MEGF10: variants seen among roughly 807,000 people sequenced by gnomAD.
MEGF10 encodes the protein multiple epidermal growth factor-like domains protein 10.
A neutral mutation model predicts 147.5 loss-of-function variants in MEGF10; 86 were observed. The ratio of observed to expected loss-of-function variants is 0.58; its 90% CI spans 0.49 to 0.70. The LOEUF (loss-of-function observed/expected upper bound fraction) is 0.70. MEGF10 is among the 30% of genes least tolerant of loss of function. The pLI is 0.00. For missense variants in MEGF10, 1,329 were observed against 1,487.3 expected, an observed-to-expected ratio of 0.89 and a Z score of 1.75; for synonymous variants, 478 against 525.5, an observed-to-expected ratio of 0.91 and a Z score of 1.24.
At position 127,458,415 on chromosome 5, in the gene MEGF10, G is replaced by A. The variant is rs137962522; in HGVS notation, c.*1097G>A. ...TAAGCTGGTCTTTTGCATTGCTAAT[G>A]TGACATGTACCCAACTTTTCATTAA... On this transcript the variant is annotated 3_prime_UTR_variant, in exon 25 of 25. Coordinates refer to ENST00000503335, the MANE Select transcript of MEGF10 (RefSeq NM_001256545.2). 3.9e-5 allele frequency: 6 copies of A among 152,276 alleles called. No homozygotes were observed. Among genetic ancestry groups the A allele is most frequent in the African/African-American group, 1.4e-4 (6 of 41,554 alleles). 9.4% of individuals were successfully genotyped at this position (152,276 alleles called of 1,614,324 possible). A position where few individuals can be genotyped will look rare whatever the true frequency, so the allele number is the denominator to read the frequency against.
At chr5:127,401,065 C>T (rs896221910) in intron 7 of MEGF10, among the ~76,000 whole-genome samples, 1 of 152,130 alleles carries the variant, frequency 6.6e-6, no homozygotes, top group East Asian at 1.9e-4. Context: ...AATATTTCAG[C>T]GCATTTCTGA....
In MEGF10 at chr5:127,396,828, A is replaced by G. The variant is rs754711083; in HGVS notation, c.659+50A>G. The G allele has an allele frequency of 1.9e-6, 3 of 1,574,762 alleles. No individual in the cohort carries two copies. In the Admixed American group the frequency reaches 5.5e-5, roughly 29 times the overall value. On this transcript the variant is annotated intron_variant, in intron 6 of 24. Coordinates refer to ENST00000503335, the MANE Select transcript of MEGF10 (RefSeq NM_001256545.2). ...AGAGCAGAGCCCACCCACCCTCTCC[A>G]TTCATGCTGCTGCTGCCATCATATT...
At chr5:127,344,649 C>T (rs1241483594) in intron 4 of MEGF10, among the ~76,000 whole-genome samples, 4 of 151,834 alleles carry the variant, frequency 2.6e-5, no homozygotes, top group Non-Finnish European at 5.9e-5. Flanking sequence ...TAAATAATTT[C>T]GACTTGAAAA....
the MEGF10 span, among the ~76,000 whole-genome samples, chr5:127,253,903 ATAATG>A: frequency 1.3e-5 from 2 of 152,136 alleles, no homozygotes; most frequent in African/African-American, 4.8e-5. Context: ...ATAAAAAACA[ATAATG>A]TAATTTGAGA....
intron 5 of MEGF10, among the ~76,000 whole-genome samples, chr5:127,383,608 C>T (rs1052011540): frequency 2.4e-4 from 36 of 152,222 alleles, no homozygotes; most frequent in African/African-American, 8.2e-4. Context: ...CACCCCCCAA[C>T]ACACCCACAA....
At chr5:127,267,459 C>G in the MEGF10 span, among the ~76,000 whole-genome samples, 1 of 152,154 alleles carries the variant, frequency 6.6e-6, no homozygotes, top group Non-Finnish European at 1.5e-5. Flanking sequence ...GGAGGCTTCC[C>G]TCTTTTTCTA....
At chr5:127,241,374 T>G in the MEGF10 span, among the ~76,000 whole-genome samples, 2 of 152,194 alleles carry the variant, frequency 1.3e-5, no homozygotes, top group Admixed American at 6.6e-5. Flanking sequence ...AGGTAAGCTC[T>G]CTTCTTATAG....
chr5:127,369,922 A>C lies in MEGF10; in HGVS notation c.332A>C (p.Asp111Ala). The C allele has an allele frequency of 6.2e-7, 1 of 1,609,666 alleles. No individual in the cohort carries two copies. The highest frequency in any genetic ancestry group is 2.2e-5 in the East Asian group (1 of 44,556). Residue 111 changes from aspartate to alanine, a missense_variant, in exon 5 of 25, where the codon GAT (aspartate) becomes GCT (alanine). By Grantham distance (126) the Asp-to-Ala change is moderately radical. This residue lies in a region of MEGF10 where 980 missense variants were observed against 1,085.9 expected (regional missense o/e 0.90). Transcript: ENST00000503335. The stretch of plus-strand genomic sequence containing the variant: ...TTCTCTCTGACAGCCCACTGTGCTG[A>C]TAAATGTGTCCATGGTCGCTGTATT... ...SGEMCVPHCA[D>A]KCVHGRCIAP... is the part of the protein sequence containing the mutation.
chr5:127,358,861 A>C (rs1004657479), intron 4 of MEGF10, among the ~76,000 whole-genome samples: 2 of 152,200 alleles, frequency 1.3e-5, no homozygotes, highest in Non-Finnish European at 2.9e-5. Flanking sequence ...TACTTACGTT[A>C]CTTAAATCTG....
At chr5:127,283,754 A>G in the MEGF10 span, among the ~76,000 whole-genome samples, 13,152 of 152,276 alleles carry the variant, frequency 0.086, 1,245 homozygotes, top group African/African-American at 0.24. Context: ...GAGAAGCATC[A>G]TTAAGAAAAC....
intron 1 of MEGF10, among the ~76,000 whole-genome samples, chr5:127,327,239 A>T (rs1761074193): frequency 1.3e-5 from 2 of 152,306 alleles, no homozygotes; most frequent in South Asian, 4.1e-4. Context: ...TAAGTGAATG[A>T]TCTGAAATGC....
At chr5:127,289,156 T>TG (rs1759126902), upstream of MEGF10, among the ~76,000 whole-genome samples, 2 of 152,204 alleles carry the variant, frequency 1.3e-5, no homozygotes, top group Admixed American at 1.3e-4. Context: ...AGTGGTTACA[T>TG]GGGTGTGTAC....
chr5:127,453,810 G>A (rs975355406), intron 22 of MEGF10, among the ~76,000 whole-genome samples: 2 of 152,154 alleles, frequency 1.3e-5, no homozygotes, highest in African/African-American at 2.4e-5. Context: ...TTAGTAGTGC[G>A]AATTTGTGAT....
At chr5:127,247,455 GAAGAA>G in the MEGF10 span, among the ~76,000 whole-genome samples, 2 of 129,256 alleles carry the variant, frequency 1.5e-5, no homozygotes, top group Middle Eastern at 4.0e-3. Context: ...AGAAGAAGAA[GAAGAA>G]GAAGAAGAAG....
chr5:127,390,911 C>T (rs908365282), intron 5 of MEGF10, among the ~76,000 whole-genome samples: 1 of 152,088 alleles, frequency 6.6e-6, no homozygotes. Flanking sequence ...TCAATTTCTT[C>T]ATCTACATAA....
rs780758082 is a variant in MEGF10, at chr5:127,457,190, T to C, written c.3295T>C (p.Tyr1099His). 3.1e-6 allele frequency: 5 copies of C among 1,614,008 alleles called. No individual in the cohort carries two copies. In the Admixed American group the frequency reaches 6.7e-5, roughly 22 times the overall value. The stretch of plus-strand genomic sequence containing the variant: ...TAATGGGCGTCTCTCCCAGGATCCA[T>C]ATGACCTCCCAAAGAACAGTCACAT... ...SNNGRLSQDP[Y>H]DLPKNSHIPC... Residue 1099 changes from tyrosine (Y) to histidine (H), a missense_variant, in exon 25 of 25, where the codon TAT becomes CAT. Tyr to His is a moderately conservative substitution (Grantham distance 83). Transcript: ENST00000503335.
At chr5:127,247,009 G>T in the MEGF10 span, among the ~76,000 whole-genome samples, 458 of 12,720 alleles carry the variant, frequency 0.036, 6 homozygotes, top group African/African-American at 0.094. Flanking sequence ...TATATATATA[G>T]ACACACCATA....
At chr5:127,247,795 G>A in the MEGF10 span, among the ~76,000 whole-genome samples, 1 of 152,042 alleles carries the variant, frequency 6.6e-6, no homozygotes, top group African/African-American at 2.4e-5. Context: ...TTGAGCTGAG[G>A]GGGCAGAAAT....
At chr5:127,377,784 G>T (rs941076898) in intron 5 of MEGF10, among the ~76,000 whole-genome samples, 1 of 152,222 alleles carries the variant, frequency 6.6e-6, no homozygotes, top group Admixed American at 6.5e-5. Context: ...GCTGTCTGCG[G>T]AGAGTAGACG....
Sources: allele counts gnomAD v4.1 joint callset (sites outside exome capture counted in the v4.1 genomes callset), GRCh38; gene constraint gnomAD v4.1.1; regional missense constraint gnomAD v4.1.1; transcripts MANE v1.5; gene names NCBI Gene and HGNC (gene_info 2026-07-23, HGNC 2026-07-21).